The following FBXL17 variants were observed in gnomAD, a reference collection of about 807,000 sequenced individuals.
FBXL17 encodes F-box/LRR-repeat protein 17.
Under a neutral mutation model 66.2 loss-of-function variants are expected in FBXL17, and 22 were observed. The ratio of observed to expected loss-of-function variants is 0.33; its 90% confidence interval spans 0.24 to 0.47. FBXL17 has a LOEUF of 0.47. FBXL17 is among the 20% of genes least tolerant of loss of function. The pLI is 1.00. For synonymous variants in FBXL17, 474 were observed against 400.5 expected, an observed-to-expected ratio of 1.18 and a Z score of -2.19; for missense variants, 878 against 948.2, an observed-to-expected ratio of 0.93 and a Z score of 0.97.
At chr5:108,323,335 G>A (rs766545338) in intron 4 of FBXL17, among the ~76,000 whole-genome samples, 5 of 151,152 alleles carry the variant, frequency 3.3e-5, no homozygotes, top group African/African-American at 1.2e-4. Flanking sequence ...AAGAAATTAA[G>A]AGAACTATTC....
rs188536945 is a variant in FBXL17, at chr5:108,235,508, C to T, written c.1507-11280G>A. 2.9e-3 allele frequency among the ~76,000 whole-genome samples: 449 copies of T among 152,276 alleles called. 4 individuals carry two copies. The highest frequency in any genetic ancestry group is 0.01 in the Middle Eastern group (3 of 294). ...TATTTGGAATAACCTACACAATGGA[C>T]CTCCTTCTGCCATTCTTGATGCCAC... On this transcript the variant is annotated intron_variant, in intron 4 of 8. Coordinates refer to ENST00000542267, the MANE Select transcript of FBXL17 (RefSeq NM_001163315.3).
chr5:107,891,471 C>G (rs1027710264), intron 7 of FBXL17, among the ~76,000 whole-genome samples: 4 of 151,958 alleles, frequency 2.6e-5, no homozygotes, highest in African/African-American at 9.7e-5. Flanking sequence ...AGCAGGAAGA[C>G]CAATAAGGAG....
At position 108,380,718 on chromosome 5, in the gene FBXL17, G is replaced by A; in HGVS notation, c.974C>T (p.Pro325Leu). 1 of 1,249,810 alleles carries A rather than the reference G, an allele frequency of 8.0e-7. No individual in the cohort carries two copies. The highest frequency in any genetic ancestry group is 1.0e-6 in the Non-Finnish European group (1 of 989,372). 77.4% of individuals were successfully genotyped at this position (1,249,810 alleles called of 1,614,324 possible). The change falls in exon 1 of 9, where the codon CCG becomes CTG. Residue 325 changes from proline (P) to leucine (L), a missense_variant. Pro to Leu is a moderately conservative substitution (Grantham distance 98, BLOSUM62 -3). Around this residue, in one of 4 missense-constraint regions of FBXL17, gnomAD observed 605 missense variants for 509.5 expected, o/e 1.19. Transcript: ENST00000542267. ...PPETPDINQLPPSILLKIFSN... is the reference protein window; with the variant it reads ...PPETPDINQLLPSILLKIFSN... ...ACCCACCTTGAGCAGGATGGACGGC[G>A]GCAGCTGGTTGATGTCTGGGGTTTC... is the stretch of plus-strand genomic sequence containing the variant.
At chr5:108,283,520 C>G (rs996059571) in intron 4 of FBXL17, among the ~76,000 whole-genome samples, 1 of 151,796 alleles carries the variant, frequency 6.6e-6, no homozygotes, top group Admixed American at 6.6e-5. Flanking sequence ...TCACCATATA[C>G]AAAAATACAC....
chr5:107,999,266 T>C (rs145736827), intron 7 of FBXL17, among the ~76,000 whole-genome samples: 269 of 152,282 alleles, frequency 1.8e-3, no homozygotes, highest in Non-Finnish European at 2.8e-3. Context: ...GATAGGCATA[T>C]ACTAGGTCTT....
chr5:108,054,454 T>C (rs553465263), intron 6 of FBXL17, among the ~76,000 whole-genome samples: 19 of 152,128 alleles, frequency 1.2e-4, no homozygotes, highest in Admixed American at 1.2e-3. Context: ...GAGTTTCCAC[T>C]GACAGCTCTG....
intron 7 of FBXL17, among the ~76,000 whole-genome samples, chr5:107,962,862 A>G (rs1751974335): frequency 6.6e-6 from 1 of 152,074 alleles, no homozygotes; most frequent in Non-Finnish European, 1.5e-5. Context: ...AGATGTGCCC[A>G]AATTTGGCAA....
chr5:108,209,449 T>C (rs1395244747), intron 5 of FBXL17, among the ~76,000 whole-genome samples: 3 of 152,220 alleles, frequency 2.0e-5, no homozygotes, highest in South Asian at 2.1e-4. Context: ...TGTGGGTTTG[T>C]CATAAATAAC....
intron 4 of FBXL17, among the ~76,000 whole-genome samples, chr5:108,308,983 A>G (rs1331258872): frequency 1.3e-5 from 2 of 152,080 alleles, no homozygotes; most frequent in African/African-American, 2.4e-5. Flanking sequence ...CTTTCAGAAT[A>G]TGTTCTCAGG....
chr5:107,917,542 A>G (rs1750170796), intron 7 of FBXL17, among the ~76,000 whole-genome samples: 1 of 152,228 alleles, frequency 6.6e-6, no homozygotes, highest in Non-Finnish European at 1.5e-5. Context: ...CTAAGCACAG[A>G]ACCGAATAAA....
chr5:108,158,921 G>T (rs1442894149), intron 6 of FBXL17, among the ~76,000 whole-genome samples: 4 of 152,062 alleles, frequency 2.6e-5, no homozygotes, highest in Non-Finnish European at 5.9e-5. Flanking sequence ...TTTCTCTGTG[G>T]TGTAGAAGAT....
At chr5:108,106,670 C>T (rs906141742) in intron 6 of FBXL17, among the ~76,000 whole-genome samples, 1 of 152,080 alleles carries the variant, frequency 6.6e-6, no homozygotes, top group African/African-American at 2.4e-5. Flanking sequence ...TTACAGTATT[C>T]CACTTATATG....
Position 108,153,683 on chromosome 5 carries a change from A to G in FBXL17, c.1745+32434T>C, listed in dbSNP as rs78035545. Among the ~76,000 whole-genome samples, 164 of 152,296 alleles carry G rather than the reference A, an allele frequency of 1.1e-3. 1 individual carries two copies. The East Asian group carries it at 0.029, about 27-fold the overall frequency. The stretch of plus-strand genomic sequence containing the variant: ...TAAGAGTTAGGAAATTTCATTAAAA[A>G]AAATATCAAGGTTGGGCCAGCTTGC... On this transcript the variant is annotated intron_variant, in intron 6 of 8. Coordinates refer to ENST00000542267, the MANE Select transcript of FBXL17 (RefSeq NM_001163315.3).
At chr5:108,189,727 T>A (rs1363842834) in intron 5 of FBXL17, among the ~76,000 whole-genome samples, 1 of 152,176 alleles carries the variant, frequency 6.6e-6, no homozygotes, top group Non-Finnish European at 1.5e-5. Context: ...GGGCCTGACA[T>A]AATCAGTTAA....
At chr5:108,375,399 T>C (rs1180064714) in intron 1 of FBXL17, among the ~76,000 whole-genome samples, 4 of 117,810 alleles carry the variant, frequency 3.4e-5, no homozygotes, top group Non-Finnish European at 7.6e-5. Flanking sequence ...ACACACAAAA[T>C]TGGCTAGACT....
intron 7 of FBXL17, among the ~76,000 whole-genome samples, chr5:108,002,124 T>C (rs970851935): frequency 1.3e-5 from 2 of 150,774 alleles, no homozygotes; most frequent in African/African-American, 4.9e-5. Context: ...CAAGGGATTC[T>C]CCTCCCTCAG....
At chr5:108,164,890 C>A (rs867541179) in intron 6 of FBXL17, among the ~76,000 whole-genome samples, 1 of 152,198 alleles carries the variant, frequency 6.6e-6, no homozygotes, top group Admixed American at 6.5e-5. Flanking sequence ...GAAAAATACA[C>A]TTGTGCCTAA....
intron 7 of FBXL17, among the ~76,000 whole-genome samples, chr5:107,888,401 C>G (rs1166049006): frequency 1.3e-5 from 2 of 152,132 alleles, no homozygotes; most frequent in Non-Finnish European, 2.9e-5. Context: ...GAAAGTTGCA[C>G]ATGTCTGAAG....
chr5:108,332,548 C>G (rs1021524695), intron 4 of FBXL17, among the ~76,000 whole-genome samples: 1 of 151,998 alleles, frequency 6.6e-6, no homozygotes. Flanking sequence ...GTAATACTAT[C>G]ATATTGGTTT....
Sources: gnomAD v4.1 joint callset for allele counts (sites outside exome capture counted in the v4.1 genomes callset) on GRCh38, gnomAD v4.1.1 for gene constraint, gnomAD v4.1.1 regional missense constraint, MANE v1.5 for transcripts, NCBI Gene and HGNC (gene_info 2026-07-23, HGNC 2026-07-21) for gene names.